CACNA2D3: variants seen among roughly 807,000 people sequenced by gnomAD.
The protein encoded by CACNA2D3 is voltage-dependent calcium channel subunit alpha-2/delta-3.
In CACNA2D3, 60 loss-of-function variants were observed where a neutral mutation model predicts 160.6. That is an observed-to-expected ratio of 0.37 (90% CI 0.30 to 0.46). The LOEUF (loss-of-function observed/expected upper bound fraction) is 0.46, where lower values mean the gene tolerates loss of function less well. Ranked by LOEUF, CACNA2D3 falls within the 20% of genes least tolerant of loss-of-function variation. The pLI is 1.00. For missense variants in CACNA2D3, 1,205 were observed against 1,365.0 expected (o/e 0.88, Z 1.85); for synonymous variants, 558 against 492.9 (o/e 1.13, Z -1.75).
intron 31 of CACNA2D3, 99 bp from the exon 32 acceptor site, chr3:55,004,664 G>C (rs535149758): frequency 2.6e-6 from 2 of 764,142 alleles, no homozygotes; most frequent in Admixed American, 4.2e-5. Context: ...TGTCACCGTT[G>C]CACTTGATGA....
At chr3:55,052,636 T>G (rs1487930260) in intron 35 of CACNA2D3, among the ~76,000 whole-genome samples, 1 of 152,166 alleles carries the variant, frequency 6.6e-6, no homozygotes, top group Non-Finnish European at 1.5e-5. Flanking sequence ...CAATGTGTAT[T>G]CATTTTTGGT....
chr3:54,898,154 T>TTA (rs1204582395), intron 26 of CACNA2D3, among the ~76,000 whole-genome samples: 2 of 128,576 alleles, frequency 1.6e-5, no homozygotes, highest in Non-Finnish European at 3.1e-5. Context: ...CTTTCTTTCT[T>TTA]TCTTTATCTT....
intron 2 of CACNA2D3, among the ~76,000 whole-genome samples, chr3:54,311,333 C>T (rs1030236204): frequency 3.3e-5 from 5 of 152,182 alleles, no homozygotes; most frequent in African/African-American, 9.7e-5. Flanking sequence ...CTTTCTATCA[C>T]ACCTTGGTCA....
At chr3:54,352,913 C>G (rs1698589189) in intron 3 of CACNA2D3, among the ~76,000 whole-genome samples, 1 of 152,082 alleles carries the variant, frequency 6.6e-6, no homozygotes, top group Non-Finnish European at 1.5e-5. Flanking sequence ...TTATGCGGCA[C>G]ATGAGATGTT....
chr3:54,798,023 CA>C (rs1229434299), intron 13 of CACNA2D3, among the ~76,000 whole-genome samples: 1 of 152,194 alleles, frequency 6.6e-6, no homozygotes, highest in Non-Finnish European at 1.5e-5. Flanking sequence ...TGCCCCTCTC[CA>C]ACTTTGAAAA....
intron 11 of CACNA2D3, among the ~76,000 whole-genome samples, chr3:54,670,269 G>A (rs1700135682): frequency 6.6e-6 from 1 of 152,196 alleles, no homozygotes; most frequent in Non-Finnish European, 1.5e-5. Flanking sequence ...TCCAGGCTGT[G>A]TCGGCACAAG....
chr3:54,647,363 G>A (rs1262411740), intron 11 of CACNA2D3, among the ~76,000 whole-genome samples: 1 of 152,236 alleles, frequency 6.6e-6, no homozygotes, highest in Non-Finnish European at 1.5e-5. Context: ...GCATCCGCAA[G>A]CCTAGTGGCT....
At chr3:54,477,487 C>G (rs957492597) in intron 4 of CACNA2D3, among the ~76,000 whole-genome samples, 2 of 152,164 alleles carry the variant, frequency 1.3e-5, no homozygotes, top group African/African-American at 4.8e-5. Flanking sequence ...ACAGCCCCAG[C>G]ACCCACTCAT....
intron 35 of CACNA2D3, among the ~76,000 whole-genome samples, chr3:55,054,588 A>G (rs1312167504): frequency 6.7e-6 from 1 of 149,256 alleles, no homozygotes; most frequent in African/African-American, 2.4e-5. Context: ...ATATAAATAT[A>G]TTATTTAATA....
intron 17 of CACNA2D3, among the ~76,000 whole-genome samples, chr3:54,859,972 G>GCGCGCGCGCACACACACACACACA (rs535185040): frequency 1.6e-4 from 22 of 133,884 alleles, no homozygotes; most frequent in African/African-American, 5.8e-4. Flanking sequence ...GAAAGTAGAT[G>GCGCGCGCGCACACACACACACACA]CACACACACA....
intron 27 of CACNA2D3, among the ~76,000 whole-genome samples, chr3:54,944,386 ATT>A (rs2106994884): frequency 6.6e-6 from 1 of 151,230 alleles, no homozygotes; most frequent in Non-Finnish European, 1.5e-5. Flanking sequence ...TTTATTTTAA[ATT>A]TCCCAGGGTA....
At chr3:54,898,668 T>C (rs954824428) in intron 26 of CACNA2D3, among the ~76,000 whole-genome samples, 1 of 152,232 alleles carries the variant, frequency 6.6e-6, no homozygotes, top group African/African-American at 2.4e-5. Context: ...AGAAAAATAA[T>C]AGAACTTAGC....
intron 4 of CACNA2D3, among the ~76,000 whole-genome samples, chr3:54,421,928 ACCGAGAGCCT>A (rs1699841724): frequency 6.6e-6 from 1 of 152,136 alleles, no homozygotes; most frequent in Non-Finnish European, 1.5e-5. Flanking sequence ...AGTCCACCAC[ACCGAGAGCCT>A]TATGAATCAC....
At chr3:54,903,851 G>A (rs1700393952) in intron 27 of CACNA2D3, among the ~76,000 whole-genome samples, 1 of 152,130 alleles carries the variant, frequency 6.6e-6, no homozygotes, top group Non-Finnish European at 1.5e-5. Context: ...CTGCATGTAT[G>A]TCTTCTTCTG....
intron 11 of CACNA2D3, among the ~76,000 whole-genome samples, chr3:54,655,850 T>C (rs1213119231): frequency 6.6e-6 from 1 of 152,220 alleles, no homozygotes; most frequent in Non-Finnish European, 1.5e-5. Context: ...ATTTGTCCAT[T>C]TTCTAGAGTA....
intron 27 of CACNA2D3, among the ~76,000 whole-genome samples, chr3:54,922,426 A>C (rs1700879802): frequency 6.6e-6 from 1 of 151,790 alleles, no homozygotes; most frequent in African/African-American, 2.4e-5. Flanking sequence ...AGTTCAAGCC[A>C]CTTTACCTGT....
chr3:54,738,357 A>G (rs1398471332), intron 11 of CACNA2D3, among the ~76,000 whole-genome samples: 1 of 152,208 alleles, frequency 6.6e-6, no homozygotes, highest in East Asian at 1.9e-4. Flanking sequence ...TTAAAATGGA[A>G]GATTGCAGAA....
chr3:54,817,063 C>T (rs932887426), intron 14 of CACNA2D3, among the ~76,000 whole-genome samples, 193 bp downstream of exon 14: 2 of 152,116 alleles, frequency 1.3e-5, no homozygotes, highest in African/African-American at 4.8e-5. Context: ...TGAGTTAGTC[C>T]CTCCAAAGGA....
chr3:54,855,099 C>T (rs563987796), intron 17 of CACNA2D3, among the ~76,000 whole-genome samples: 16 of 152,284 alleles, frequency 1.1e-4, no homozygotes, highest in African/African-American at 3.9e-4. Flanking sequence ...GACAGCATCC[C>T]CCTGGCCCTA....
Sources: allele counts gnomAD v4.1 joint callset (sites outside exome capture counted in the v4.1 genomes callset), GRCh38; gene constraint gnomAD v4.1.1; transcripts MANE v1.5; gene names NCBI Gene and HGNC (gene_info 2026-07-23, HGNC 2026-07-21).